CEP152: variants seen among roughly 807,000 people sequenced by gnomAD.
CEP152 encodes the protein centrosomal protein 152.
In CEP152, 132 loss-of-function variants were observed where a neutral mutation model predicts 188.9. The observed-to-expected ratio is 0.70, with a 90% CI of 0.61 to 0.81. The LOEUF (loss-of-function observed/expected upper bound fraction) is 0.81, where lower values mean the gene tolerates loss of function less well. CEP152 is among the 30% of genes least tolerant of loss of function. The pLI, the probability that CEP152 is intolerant of heterozygous loss-of-function variation, is 0.00. For synonymous variants in CEP152, 649 were observed against 666.6 expected, an observed-to-expected ratio of 0.97 and a Z score of 0.41; for missense variants, 1,914 against 1,969.8, an observed-to-expected ratio of 0.97 and a Z score of 0.54.
intron 10 of CEP152, chr15:48,783,378 C>A (rs906699133): frequency 2.0e-5 from 3 of 152,020 alleles, no homozygotes; most frequent in Admixed American, 2.0e-4. Flanking sequence ...CTAGGTAAGT[C>A]ACTATTCCAT....
At chr15:48,782,266 A>C in intron 10 of CEP152, 36 bp from the exon 11 acceptor site, 1 of 1,573,348 alleles carries the variant, frequency 6.4e-7, no homozygotes, top group South Asian at 1.1e-5. Context: ...TACTGAAAAA[A>C]TTAAGGGGAC....
At chr15:48,796,285 T>TATATACAC (rs1016823061) in intron 5 of CEP152, 125 bp from the exon 6 acceptor site, 4 of 717,686 alleles carry the variant, frequency 5.6e-6, no homozygotes, top group Non-Finnish European at 9.2e-6. Flanking sequence ...GTTGTTTATA[T>TATATACAC]ATATACACAC....
intron 19 of CEP152, 66 bp from the exon 20 acceptor site, chr15:48,756,619 G>T: frequency 1.3e-6 from 2 of 1,497,344 alleles, no homozygotes; most frequent in Non-Finnish European, 9.1e-7. Context: ...AAAAAATTAA[G>T]GTAACTATTT....
intron 26 of CEP152, chr15:48,741,306 T>C (rs1892957304): frequency 3.3e-6 from 4 of 1,195,630 alleles, no homozygotes. Flanking sequence ...ACTGCAACTT[T>C]TTAAAACCCA....
At chr15:48,748,053 G>C (rs1023840318) in intron 22 of CEP152, among the ~76,000 whole-genome samples, 1 of 152,098 alleles carries the variant, frequency 6.6e-6, no homozygotes, top group East Asian at 1.9e-4. Context: ...AGCATTCAAC[G>C]TTTAATTATT....
chr15:48,784,152 T>C (rs762207105), intron 9 of CEP152, 32 bp from the exon 10 acceptor site: 11 of 1,596,020 alleles, frequency 6.9e-6, no homozygotes, highest in Admixed American at 1.7e-5. Context: ...GAAGTCATTT[T>C]CATAAAGAGT....
At chr15:48,736,106 T>C (rs761144989), downstream of CEP152, among the ~76,000 whole-genome samples, 2 of 152,154 alleles carry the variant, frequency 1.3e-5, no homozygotes, top group Non-Finnish European at 2.9e-5. Flanking sequence ...ATGGAAATTA[T>C]GAATAGCTCT....
intron 1 of CEP152, 33 bp from the exon 2 acceptor site, chr15:48,805,689 C>G (rs1180021512): frequency 6.2e-7 from 1 of 1,612,868 alleles, no homozygotes; most frequent in African/African-American, 1.3e-5. Context: ...GGTTTCTGGA[C>G]ACCACATAAA....
rs1317422056 is a variant in CEP152, at chr15:48,791,396, T to C, written c.833-20A>G. On this transcript the variant is annotated intron_variant, in intron 7 of 26. Coordinates refer to ENST00000380950, the MANE Select transcript of CEP152 (RefSeq NM_001194998.2). ...TTTCATCTACGGTATTAAAAATGTT[T>C]ATATAAATAATGTTCCTGTAGAGGG... is the stretch of plus-strand genomic sequence containing the variant. 6.2e-7 allele frequency: 1 copy of C among 1,605,374 alleles called. No homozygotes were observed. The highest frequency in any genetic ancestry group is 8.5e-7 in the Non-Finnish European group (1 of 1,175,920).
chr15:48,797,993 G>A lies in CEP152; in HGVS notation c.146C>T (p.Pro49Leu). Residue 49 changes from proline to leucine, a missense_variant, in exon 3 of 27, where the codon CCA becomes CTA. By Grantham distance (98) the Pro-to-Leu change is moderately conservative. Coordinates refer to ENST00000380950, the MANE Select transcript of CEP152 (RefSeq NM_001194998.2). The part of the protein sequence containing the change: ...HDMLDDDLSS[P>L]ELQYSDCSED... ...GCTGCAGTCCGAATACTGGAGCTCT[G>A]GAGAGGAGAGGTCGTCATCCAGCAT... 1.2e-6 allele frequency: 2 copies of A among 1,614,082 alleles called. No individual in the cohort carries two copies. Among genetic ancestry groups the A allele is most frequent in the Non-Finnish European group, 8.5e-7 (1 of 1,179,970 alleles).
Position 48,762,660 on chromosome 15 carries a change from GT to G in CEP152, c.2292del (p.Lys764AsnfsTer18), listed in dbSNP as rs750871264. The G allele has an allele frequency of 4.3e-6, 7 of 1,613,440 alleles. No individual in the cohort carries two copies. Among genetic ancestry groups the G allele is most frequent in the Non-Finnish European group, 5.1e-6 (6 of 1,179,920 alleles). ...CACTCCTTTTCAAGCTGTTGAATGAGTTTTTCTTTGATCTGTTTTCAGAAGA... is the reference window on the plus strand; with the variant it reads ...CACTCCTTTTCAAGCTGTTGAATGAGTTTTCTTTGATCTGTTTTCAGAAGA... ...EQQTQEKIKE[K>X]LIQQLEKEWQ... is the part of the protein sequence containing the mutation. On this transcript the variant is annotated frameshift_variant, in exon 18 of 27. Coordinates refer to ENST00000380950, the MANE Select transcript of CEP152 (RefSeq NM_001194998.2). LOFTEE classifies it high-confidence loss of function.
rs536503121 is a variant in CEP152, at chr15:48,806,570, G to A, written c.-7-914C>T. Among the ~76,000 whole-genome samples, 7 of 152,312 alleles carry A rather than the reference G, an allele frequency of 4.6e-5. No homozygotes were observed. The South Asian group carries it at 1.5e-3, about 32-fold the overall frequency. On this transcript the variant is annotated intron_variant, in intron 1 of 26. Coordinates refer to ENST00000380950, the MANE Select transcript of CEP152 (RefSeq NM_001194998.2). ...ATGAAACGCACTTGGATGTGAGCCT[G>A]AGCCACAACTCATTCACTACACCTT... is the stretch of plus-strand genomic sequence containing the variant.
In CEP152 at chr15:48,745,005, G is replaced by C. The variant is rs191734180; in HGVS notation, c.3635-13C>G. ...TTATTATTCTCTTCTATAACAGAAA[G>C]TTTATAGTATATTAGACAGTTAAAA... On this transcript the variant is annotated splice_polypyrimidine_tract_variant and intron_variant, in intron 22 of 26. Coordinates refer to ENST00000380950, the MANE Select transcript of CEP152 (RefSeq NM_001194998.2). The C allele has an allele frequency of 6.4e-7, 1 of 1,573,762 alleles. No homozygotes were observed. Among genetic ancestry groups the C allele is most frequent in the Non-Finnish European group, 8.7e-7 (1 of 1,154,774 alleles).
At position 48,797,660 on chromosome 15, in the gene CEP152, C is replaced by A. The variant is rs966888627; in HGVS notation, c.261+1G>T. ...AAGTCATCATCACACCAGATACTTA[C>A]ATTTACACTTTGAGATTTGGGCAGC... On this transcript the variant is annotated splice_donor_variant, in intron 4 of 26. Transcript: ENST00000380950. LOFTEE classifies it high-confidence loss of function. 1.2e-6 allele frequency: 2 copies of A among 1,614,138 alleles called. No individual in the cohort carries two copies. Among genetic ancestry groups the A allele is most frequent in the Non-Finnish European group, 1.7e-6 (2 of 1,180,008 alleles).
At chr15:48,793,265 G>T in intron 7 of CEP152, 56 bp downstream of exon 7, 1 of 1,598,876 alleles carries the variant, frequency 6.3e-7, no homozygotes, top group South Asian at 1.1e-5. Flanking sequence ...TGAGGTTATT[G>T]GAAACAAGAT....
downstream of CEP152, among the ~76,000 whole-genome samples, chr15:48,735,519 G>C (rs1054590705): frequency 2.6e-5 from 4 of 152,190 alleles, no homozygotes; most frequent in Non-Finnish European, 2.9e-5. Flanking sequence ...CGGATCACTT[G>C]AGGTCAGGAG....
chr15:48,779,002 T>C (rs910827967), intron 12 of CEP152, among the ~76,000 whole-genome samples: 3 of 147,874 alleles, frequency 2.0e-5, no homozygotes, highest in Admixed American at 6.7e-5. Flanking sequence ...ACTAAGTAAA[T>C]AGAAAGTGTA....
intron 17 of CEP152, among the ~76,000 whole-genome samples, chr15:48,766,498 T>G (rs965288150): frequency 9.9e-5 from 15 of 152,174 alleles, no homozygotes; most frequent in African/African-American, 3.6e-4. Context: ...AGTTGGAGAA[T>G]CTACTCTAGC....
chr15:48,742,842 C>G lies in CEP152; in HGVS notation c.3836-742G>C, dbSNP rs190077843. On this transcript the variant is annotated intron_variant, in intron 24 of 26. Coordinates refer to ENST00000380950, the MANE Select transcript of CEP152 (RefSeq NM_001194998.2). ...TTTTTAATAAATCCAAGACTACATC[C>G]TACATCTAGAATTTCACCATCTCTG... is the stretch of plus-strand genomic sequence containing the variant. Among the ~76,000 whole-genome samples, 26 of 151,812 alleles carry G rather than the reference C, an allele frequency of 1.7e-4. No homozygotes were observed. The East Asian group carries it at 5.0e-3, about 29-fold the overall frequency.
Sources: allele counts gnomAD v4.1 joint callset (sites outside exome capture counted in the v4.1 genomes callset), GRCh38; gene constraint gnomAD v4.1.1; transcripts MANE v1.5; gene names NCBI Gene and HGNC (gene_info 2026-07-23, HGNC 2026-07-21).